The following THOC7 variants were observed in gnomAD, a reference collection of about 807,000 sequenced individuals.
THOC7 encodes THO complex subunit 7.
A neutral mutation model predicts 33.1 loss-of-function variants in THOC7; 22 were observed. The ratio of observed to expected loss-of-function variants is 0.66; its 90% confidence interval spans 0.47 to 0.95. The LOEUF is 0.95. Ranked by LOEUF, THOC7 falls within the 40% of genes least tolerant of loss-of-function variation. The pLI, the probability that THOC7 is intolerant of heterozygous loss-of-function variation, is 0.00. For synonymous variants in THOC7, 77 were observed against 76.8 expected (o/e 1.00, Z -0.01); for missense variants, 184 against 245.3 (o/e 0.75, Z 1.67).
chr3:63,836,262 TA>T, intron 5 of THOC7, 38 bp downstream of exon 5: 1 of 1,587,850 alleles, frequency 6.3e-7, no homozygotes. Context: ...CATTTATGTA[TA>T]AAGGTTAGTT....
chr3:63,863,755 G>A lies in THOC7; in HGVS notation c.19+17C>T. 2 of 1,250,328 alleles carry A rather than the reference G, an allele frequency of 1.6e-6. No homozygotes were observed. The highest frequency in any genetic ancestry group is 2.0e-6 in the Non-Finnish European group (2 of 1,003,838). The allele number at this position is 1,250,328 out of a possible 1,614,324, so 77.5% of individuals were successfully genotyped here. On this transcript the variant is annotated intron_variant, in intron 1 of 7. Coordinates refer to ENST00000295899, the MANE Select transcript of THOC7 (RefSeq NM_025075.4). ...GGGCCGTGCAGCGGGCGCGTGTGGC[G>A]GCGAGCGGGGCCTCACCGTCAGTCA...
intron 1 of THOC7, among the ~76,000 whole-genome samples, chr3:63,841,181 G>A (rs1428425272): frequency 6.6e-6 from 1 of 152,192 alleles, no homozygotes; most frequent in African/African-American, 2.4e-5. Flanking sequence ...TATACAATAT[G>A]TTGCCATATG....
chr3:63,836,208 A>G (rs2107117600), intron 5 of THOC7, 93 bp downstream of exon 5: 4 of 1,196,418 alleles, frequency 3.3e-6, no homozygotes, highest in Non-Finnish European at 3.6e-6. Context: ...CTTTTGAAAC[A>G]TATTTATTTC....
intron 5 of THOC7, among the ~76,000 whole-genome samples, chr3:63,836,022 ATTCTTT>A (rs1701626587): frequency 6.6e-6 from 1 of 152,028 alleles, no homozygotes; most frequent in African/African-American, 2.4e-5. Context: ...TAACTAGTTT[ATTCTTT>A]TTAACTGAAA....
intron 4 of THOC7, among the ~76,000 whole-genome samples, 154 bp downstream of exon 4, chr3:63,837,822 T>C (rs1456535464): frequency 6.6e-6 from 1 of 152,094 alleles, no homozygotes; most frequent in Non-Finnish European, 1.5e-5. Context: ...CTTCTCTATT[T>C]TAAAGAATAA....
intron 1 of THOC7, among the ~76,000 whole-genome samples, chr3:63,840,282 A>G (rs541698554): frequency 5.9e-5 from 9 of 151,746 alleles, no homozygotes; most frequent in Non-Finnish European, 1.3e-4. Context: ...GCAAACTAGG[A>G]AAAAAAAATG....
chr3:63,843,520 A>T (rs1701814503), intron 1 of THOC7, among the ~76,000 whole-genome samples: 1 of 152,252 alleles, frequency 6.6e-6, no homozygotes, highest in South Asian at 2.1e-4. Flanking sequence ...TCAAAGAGGT[A>T]TCTGCACTCC....
chr3:63,849,469 G>A (rs1274152693), intron 1 of THOC7, among the ~76,000 whole-genome samples: 1 of 152,144 alleles, frequency 6.6e-6, no homozygotes, highest in Non-Finnish European at 1.5e-5. Context: ...GCAGGCCCAT[G>A]AACCTCAAGG....
intron 1 of THOC7, among the ~76,000 whole-genome samples, chr3:63,844,500 A>C (rs1019687702): frequency 1.3e-5 from 2 of 152,228 alleles, no homozygotes; most frequent in African/African-American, 4.8e-5. Flanking sequence ...TTTTAAAATA[A>C]ATACATAAAA....
At chr3:63,863,729 C>G in intron 1 of THOC7, 43 bp downstream of exon 1, 2 of 1,248,412 alleles carry the variant, frequency 1.6e-6, no homozygotes, top group Middle Eastern at 3.1e-4. Context: ...GGAGGCCCAG[C>G]GGGCCGTGCA....
chr3:63,848,530 A>G (rs1252512789), intron 1 of THOC7: 1 of 152,142 alleles, frequency 6.6e-6, no homozygotes, highest in African/African-American at 2.4e-5. Context: ...TGTCCCCCTA[A>G]AATGCATAAA....
chr3:63,838,392 T>C lies in THOC7; in HGVS notation c.245A>G (p.Glu82Gly). 6.4e-7 allele frequency: 1 copy of C among 1,551,120 alleles called. No homozygotes were observed. Among genetic ancestry groups the C allele is most frequent in the Non-Finnish European group, 8.8e-7 (1 of 1,134,342 alleles). The change falls in exon 3 of 8, where the codon GAA becomes GGA. Residue 82 changes from glutamate to glycine, a missense_variant. Transcript: ENST00000295899. Reference protein sequence around the residue: ...DMNLREMENYEKIYKEIECSI... With the variant: ...DMNLREMENYGKIYKEIECSI... ...TTTACCTATTTCCTTGTAAATTTTT[T>C]CATAATTTTCCATTTCTCTGAGATT...
chr3:63,841,454 T>G (rs998589205), intron 1 of THOC7, among the ~76,000 whole-genome samples: 4 of 152,252 alleles, frequency 2.6e-5, no homozygotes, highest in Non-Finnish European at 5.9e-5. Context: ...AGAGCCTCCA[T>G]GCTGAATCAA....
intron 1 of THOC7, among the ~76,000 whole-genome samples, chr3:63,847,280 T>A (rs969129233): frequency 2.0e-5 from 3 of 152,202 alleles, no homozygotes; most frequent in Non-Finnish European, 4.4e-5. Context: ...AATTTCCTTG[T>A]CAATTTCATC....
chr3:63,835,439 T>A (rs752179396), intron 5 of THOC7, 49 bp from the exon 6 acceptor site: 22 of 1,548,302 alleles, frequency 1.4e-5, no homozygotes, highest in Non-Finnish European at 1.9e-5. Context: ...GGGAGAAGAG[T>A]TTACAATTAA....
intron 1 of THOC7, among the ~76,000 whole-genome samples, chr3:63,845,935 A>G (rs920401794): frequency 6.6e-6 from 1 of 152,204 alleles, no homozygotes; most frequent in Non-Finnish European, 1.5e-5. Flanking sequence ...GAAAAAGACT[A>G]TTCATCTAAG....
chr3:63,840,697 G>A (rs1327934809), intron 1 of THOC7, among the ~76,000 whole-genome samples: 6 of 152,166 alleles, frequency 3.9e-5, no homozygotes, highest in African/African-American at 1.4e-4. Context: ...GTTCTTTCCT[G>A]GACAAAATGA....
At chr3:63,837,337 T>C (rs1385852573) in intron 4 of THOC7, among the ~76,000 whole-genome samples, 1 of 103,190 alleles carries the variant, frequency 9.7e-6, no homozygotes, top group Non-Finnish European at 2.5e-5. Context: ...TTACACATTA[T>C]ATTTTTTATT....
intron 1 of THOC7, among the ~76,000 whole-genome samples, chr3:63,843,066 C>T (rs1215445619): frequency 6.6e-6 from 1 of 151,966 alleles, no homozygotes; most frequent in East Asian, 1.9e-4. Context: ...GAATTACAGG[C>T]ATGAGCCTCT....
Sources: allele counts gnomAD v4.1 joint callset (sites outside exome capture counted in the v4.1 genomes callset), GRCh38; gene constraint gnomAD v4.1.1; transcripts MANE v1.5; gene names NCBI Gene and HGNC (gene_info 2026-07-23, HGNC 2026-07-21).